IL1RAPL2: variants seen among roughly 807,000 people sequenced by gnomAD.
IL1RAPL2 encodes the protein interleukin 1 receptor accessory protein like 2, also known as X-linked interleukin-1 receptor accessory protein-like 2.
A neutral mutation model predicts 44.1 loss-of-function variants in IL1RAPL2; 3 were observed. The observed-to-expected ratio is 0.07, with a 90% CI of 0.03 to 0.18. The LOEUF is 0.18. IL1RAPL2 is among the 10% of genes least tolerant of loss of function. The pLI is 1.00. For missense variants in IL1RAPL2, 391 were observed against 496.4 expected, an observed-to-expected ratio of 0.79 and a Z score of 2.02; for synonymous variants, 181 against 178.8, an observed-to-expected ratio of 1.01 and a Z score of -0.10.
chrX:104,643,625 C>T (rs1296552766), intron 1 of IL1RAPL2, among the ~76,000 whole-genome samples: 1 of 110,735 alleles, frequency 9.0e-6, no homozygotes, highest in Non-Finnish European at 1.9e-5. Flanking sequence ...TTCCTGGTTT[C>T]CTGATTTGTG....
intron 4 of IL1RAPL2, among the ~76,000 whole-genome samples, chrX:105,262,204 T>G (rs1278681013): frequency 8.9e-6 from 1 of 111,739 alleles, no homozygotes; most frequent in Non-Finnish European, 1.9e-5. Context: ...TGGTTATTGA[T>G]GTTCAGTTTG....
chrX:104,717,611 C>CT (rs1304052259), intron 2 of IL1RAPL2, among the ~76,000 whole-genome samples: 1 of 109,580 alleles, frequency 9.1e-6, no homozygotes, highest in Admixed American at 9.8e-5. Flanking sequence ...CAAACACATT[C>CT]TTTTTTTTAA....
At chrX:105,054,211 G>A (rs2031964816) in intron 2 of IL1RAPL2, among the ~76,000 whole-genome samples, 1 of 110,351 alleles carries the variant, frequency 9.1e-6, no homozygotes, top group African/African-American at 3.3e-5. Context: ...CACCTAACAT[G>A]CACAGCTTTG....
At chrX:105,095,261 C>T (rs1280265359) in intron 2 of IL1RAPL2, among the ~76,000 whole-genome samples, 1 of 111,235 alleles carries the variant, frequency 9.0e-6, no homozygotes, top group Admixed American at 9.5e-5. Flanking sequence ...TTGGAGGAAA[C>T]ATTTCAATCT....
At chrX:104,765,523 C>T (rs968517184) in intron 2 of IL1RAPL2, among the ~76,000 whole-genome samples, 3 of 112,001 alleles carry the variant, frequency 2.7e-5, no homozygotes, top group African/African-American at 9.7e-5. Context: ...CTGCCTCCTA[C>T]TCTCCTTTAT....
chrX:105,256,940 C>T (rs995435714), intron 4 of IL1RAPL2, among the ~76,000 whole-genome samples: 3 of 110,336 alleles, frequency 2.7e-5, no homozygotes, highest in Admixed American at 1.9e-4. Flanking sequence ...TCTCAATTTC[C>T]TTCAGTTCAG....
intron 6 of IL1RAPL2, among the ~76,000 whole-genome samples, chrX:105,582,765 T>A (rs992298921): frequency 9.1e-6 from 1 of 110,117 alleles, no homozygotes; most frequent in African/African-American, 3.3e-5. Context: ...TTTTAATATA[T>A]TTTGGTCTGT....
chrX:104,996,062 C>CT (rs777796410), intron 2 of IL1RAPL2, among the ~76,000 whole-genome samples: 2 of 110,999 alleles, frequency 1.8e-5, no homozygotes, highest in Admixed American at 9.6e-5. Flanking sequence ...TAGTGTTATG[C>CT]TTTTTTTCCC....
At chrX:105,116,668 G>T (rs2032865757) in intron 2 of IL1RAPL2, among the ~76,000 whole-genome samples, 1 of 112,226 alleles carries the variant, frequency 8.9e-6, no homozygotes, top group Non-Finnish European at 1.9e-5. Context: ...GGTGACTGAA[G>T]TTTGAAACGT....
intron 5 of IL1RAPL2, among the ~76,000 whole-genome samples, chrX:105,374,046 G>A (rs911425366): frequency 1.0e-4 from 11 of 106,085 alleles, no homozygotes; most frequent in Admixed American, 4.1e-4. Context: ...TTGAACCCAG[G>A]AGGCAGAGGT....
intron 2 of IL1RAPL2, among the ~76,000 whole-genome samples, chrX:104,704,442 A>C (rs759374315): frequency 9.0e-6 from 1 of 111,475 alleles, no homozygotes; most frequent in African/African-American, 3.3e-5. Flanking sequence ...GAATGAATAA[A>C]TAATAATAGG....
At chrX:105,267,690 G>A in intron 5 of IL1RAPL2, 149 bp downstream of exon 5, 1 of 455,208 alleles carries the variant, frequency 2.2e-6, no homozygotes, top group Non-Finnish European at 3.7e-6. Flanking sequence ...TTAATAAGTT[G>A]TACTGAGTAA....
At chrX:105,392,069 A>G (rs2035528959) in intron 5 of IL1RAPL2, among the ~76,000 whole-genome samples, 1 of 106,726 alleles carries the variant, frequency 9.4e-6, no homozygotes, top group Admixed American at 1.0e-4. Context: ...TGGGTGCAGC[A>G]CACCAGCATA....
At chrX:105,246,356 T>G (rs764195192) in intron 4 of IL1RAPL2, among the ~76,000 whole-genome samples, 1 of 112,390 alleles carries the variant, frequency 8.9e-6, no homozygotes, top group African/African-American at 3.2e-5. Context: ...CTTTCAGTCC[T>G]GCAGCTTGCT....
chrX:105,153,708 G>T (rs1294562545), intron 2 of IL1RAPL2, among the ~76,000 whole-genome samples: 1 of 111,657 alleles, frequency 9.0e-6, no homozygotes, highest in Admixed American at 9.5e-5. Context: ...CAAAGCAGGG[G>T]CTTCCAGGTC....
chrX:105,461,791 G>T (rs996887073), intron 5 of IL1RAPL2, among the ~76,000 whole-genome samples: 1 of 111,362 alleles, frequency 9.0e-6, no homozygotes, highest in African/African-American at 3.3e-5. Flanking sequence ...TAGGCAAGAG[G>T]TATGCAAATG....
At chrX:104,794,930 A>G (rs941120841) in intron 2 of IL1RAPL2, among the ~76,000 whole-genome samples, 5 of 111,687 alleles carry the variant, frequency 4.5e-5, no homozygotes, top group Non-Finnish European at 7.5e-5. Flanking sequence ...AGCATATACA[A>G]TATGTGTATT....
chrX:104,763,766 G>T (rs958820394), intron 2 of IL1RAPL2, among the ~76,000 whole-genome samples: 2 of 111,057 alleles, frequency 1.8e-5, no homozygotes, highest in Admixed American at 1.9e-4. Flanking sequence ...AAAGCAGCAT[G>T]GGGGTAACTG....
intron 2 of IL1RAPL2, among the ~76,000 whole-genome samples, chrX:104,922,508 A>G (rs1924670706): frequency 8.9e-6 from 1 of 112,249 alleles, no homozygotes; most frequent in African/African-American, 3.2e-5. Flanking sequence ...ACAACCTACA[A>G]ACAACTAGCA....
Sources: allele counts gnomAD v4.1 joint callset (sites outside exome capture counted in the v4.1 genomes callset), GRCh38; gene constraint gnomAD v4.1.1; transcripts MANE v1.5; gene names NCBI Gene and HGNC (gene_info 2026-07-23, HGNC 2026-07-21).